CREB3L2: variants seen among roughly 807,000 people sequenced by gnomAD.
CREB3L2 encodes the protein cAMP responsive element binding protein 3 like 2, also known as cyclic AMP-responsive element-binding protein 3-like protein 2.
In CREB3L2, 23 loss-of-function variants were observed where a neutral mutation model predicts 57.2. The observed-to-expected ratio is 0.40, with a 90% CI of 0.29 to 0.57. The LOEUF (loss-of-function observed/expected upper bound fraction) is 0.57. Among genes scored for constraint, CREB3L2 ranks in the 20% least tolerant of loss-of-function variants. The pLI is 0.42. For synonymous variants in CREB3L2, 268 were observed against 265.1 expected, an observed-to-expected ratio of 1.01 and a Z score of -0.11; for missense variants, 628 against 634.7, an observed-to-expected ratio of 0.99 and a Z score of 0.11.
At chr7:137,956,405 T>C (rs932832425) in intron 1 of CREB3L2, among the ~76,000 whole-genome samples, 3 of 152,218 alleles carry the variant, frequency 2.0e-5, no homozygotes, top group African/African-American at 7.2e-5. Context: ...CGTTTCGCAG[T>C]GTTAGCAGTG....
At chr7:137,892,575 G>A (rs1011921605) in intron 8 of CREB3L2, among the ~76,000 whole-genome samples, 3 of 152,014 alleles carry the variant, frequency 2.0e-5, no homozygotes, top group Non-Finnish European at 2.9e-5. Context: ...GCTTGAACCC[G>A]GAAGGCAGAG....
At chr7:137,965,283 C>A (rs1678809943) in intron 1 of CREB3L2, among the ~76,000 whole-genome samples, 1 of 152,206 alleles carries the variant, frequency 6.6e-6, no homozygotes, top group African/African-American at 2.4e-5. Context: ...TTTAGTCTGT[C>A]TCCTTCTGTC....
At chr7:137,919,175 C>CTT (rs370149890) in intron 2 of CREB3L2, among the ~76,000 whole-genome samples, 18 of 140,986 alleles carry the variant, frequency 1.3e-4, no homozygotes, top group South Asian at 2.3e-4. Context: ...TCAAAGATAT[C>CTT]TTTTTTTTTT....
In CREB3L2 at chr7:137,885,005, T is replaced by G. The variant is rs772732425; in HGVS notation, c.1260A>C (p.Thr420=). 5 of 1,614,014 alleles carry G rather than the reference T, an allele frequency of 3.1e-6. No homozygotes were observed. The African/African-American group carries it at 6.7e-5, about 22-fold the overall frequency. The change falls in exon 10 of 12, where the codon ACA becomes ACC. Residue 420 remains threonine, a synonymous_variant. Coordinates refer to ENST00000330387, the MANE Select transcript of CREB3L2 (RefSeq NM_194071.4). ...PSQHSLQEPY[T]ASVVRSRNLL... ...CACATGCTGTCTTACCCACGGAGGC[T>G]GTGTAGGGCTCCTGCAGGGAATGCT...
At chr7:137,946,470 G>A (rs1300967919) in intron 1 of CREB3L2, among the ~76,000 whole-genome samples, 1 of 150,188 alleles carries the variant, frequency 6.7e-6, no homozygotes, top group Non-Finnish European at 1.5e-5. Context: ...ACAACCATAT[G>A]CTCCTGAAAG....
chr7:137,984,318 T>C (rs1801759819), intron 1 of CREB3L2, among the ~76,000 whole-genome samples: 1 of 152,232 alleles, frequency 6.6e-6, no homozygotes, highest in Non-Finnish European at 1.5e-5. Flanking sequence ...CAGCTAGGGA[T>C]GGCCAGTGAA....
chr7:137,881,919 A>G (rs1033323753), intron 11 of CREB3L2, among the ~76,000 whole-genome samples: 1 of 152,232 alleles, frequency 6.6e-6, no homozygotes, highest in Non-Finnish European at 1.5e-5. Flanking sequence ...ACATACATCT[A>G]TAAGTATAAA....
chr7:137,961,307 A>C (rs531142897), intron 1 of CREB3L2, among the ~76,000 whole-genome samples: 1 of 152,236 alleles, frequency 6.6e-6, no homozygotes, highest in African/African-American at 2.4e-5. Flanking sequence ...CATATAATTA[A>C]GTGGCAGTTT....
At chr7:137,912,848 A>C in intron 4 of CREB3L2, 143 bp downstream of exon 4, 1 of 1,529,558 alleles carries the variant, frequency 6.5e-7, no homozygotes, top group Non-Finnish European at 8.8e-7. Flanking sequence ...CAAAATTTTT[A>C]TTTTTTAAGA....
At chr7:137,994,180 C>T (rs1317878285) in intron 1 of CREB3L2, among the ~76,000 whole-genome samples, 1 of 152,186 alleles carries the variant, frequency 6.6e-6, no homozygotes, top group Non-Finnish European at 1.5e-5. Flanking sequence ...AACCATAGGC[C>T]TCAATCCTAC....
At chr7:137,984,569 G>A (rs1158844690) in intron 1 of CREB3L2, among the ~76,000 whole-genome samples, 1 of 152,238 alleles carries the variant, frequency 6.6e-6, no homozygotes, top group African/African-American at 2.4e-5. Flanking sequence ...GGACTGCTTG[G>A]TTCATGAGAT....
intron 8 of CREB3L2, among the ~76,000 whole-genome samples, chr7:137,895,383 G>A (rs887222963): frequency 6.6e-6 from 1 of 152,184 alleles, no homozygotes; most frequent in African/African-American, 2.4e-5. Context: ...GGCCCCCTGG[G>A]AAACCATCTC....
At chr7:137,984,490 A>G (rs550520297) in intron 1 of CREB3L2, among the ~76,000 whole-genome samples, 111 of 152,368 alleles carry the variant, frequency 7.3e-4, no homozygotes, top group Non-Finnish European at 1.2e-3. Context: ...AAAGGTGACA[A>G]ACAGCCTCAC....
intron 2 of CREB3L2, among the ~76,000 whole-genome samples, chr7:137,922,406 ATATATATATG>A (rs1313369842): frequency 0.018 from 471 of 26,134 alleles, 16 homozygotes; most frequent in East Asian, 0.08. Context: ...ATATATATAT[ATATATATATG>A]TATATATATA....
chr7:137,963,308 C>T (rs1801356442), intron 1 of CREB3L2, among the ~76,000 whole-genome samples: 1 of 152,198 alleles, frequency 6.6e-6, no homozygotes. Flanking sequence ...TCTTCCTATT[C>T]ACAAAGGATC....
intron 1 of CREB3L2, among the ~76,000 whole-genome samples, chr7:137,932,866 T>A (rs1447643251): frequency 1.3e-5 from 2 of 152,246 alleles, no homozygotes; most frequent in Non-Finnish European, 1.5e-5. Context: ...GTTTACCACT[T>A]AGGTCAGTGC....
intron 8 of CREB3L2, among the ~76,000 whole-genome samples, chr7:137,899,321 C>T (rs548269984): frequency 3.3e-5 from 5 of 152,180 alleles, no homozygotes; most frequent in Admixed American, 1.3e-4. Flanking sequence ...AGGCCTGACA[C>T]GGAGCCTGTA....
chr7:137,900,475 G>C (rs1459003143), intron 8 of CREB3L2, among the ~76,000 whole-genome samples: 1 of 152,118 alleles, frequency 6.6e-6, no homozygotes, highest in Non-Finnish European at 1.5e-5. Context: ...TAATAAACTA[G>C]CTAATTTTAA....
intron 1 of CREB3L2, among the ~76,000 whole-genome samples, chr7:137,998,565 T>C (rs1802027620): frequency 6.6e-6 from 1 of 152,252 alleles, no homozygotes; most frequent in Non-Finnish European, 1.5e-5. Flanking sequence ...TGGGTTTGAA[T>C]CCTGGTTCTA....
Sources: allele counts gnomAD v4.1 joint callset (sites outside exome capture counted in the v4.1 genomes callset), GRCh38; gene constraint gnomAD v4.1.1; transcripts MANE v1.5; gene names NCBI Gene and HGNC (gene_info 2026-07-23, HGNC 2026-07-21).